XRCC6: variants seen among roughly 807,000 people sequenced by gnomAD.
XRCC6 encodes the protein DNA repair protein Ku70.
In XRCC6, 5 loss-of-function variants were observed where a neutral mutation model predicts 65.7. The ratio of observed to expected loss-of-function variants is 0.08; its 90% CI spans 0.04 to 0.16. XRCC6 has a LOEUF of 0.16. XRCC6 is among the 10% of genes least tolerant of loss of function. The probability of loss-of-function intolerance (pLI) is 1.00; values close to 1 mark genes in which losing one functional copy is unlikely to be tolerated. For synonymous variants in XRCC6, 270 were observed against 270.6 expected (o/e 1.00, Z 0.02); for missense variants, 447 against 738.1 (o/e 0.61, Z 4.57).
rs915965286 is a variant in XRCC6 at position 41,639,773 on chromosome 22, C to T, written c.773+1982C>T. Among the ~76,000 whole-genome samples, 12 of 149,590 alleles carry T rather than the reference C, an allele frequency of 8.0e-5. No homozygotes were observed. The Admixed American group carries it at 8.1e-4, about 10-fold the overall frequency. On this transcript the variant is annotated intron_variant, in intron 6 of 12. Coordinates refer to ENST00000360079, the MANE Select transcript of XRCC6 (RefSeq NM_001469.5). ...CGCCTCCCGGGTTCATGCCATTCTC[C>T]TGCCTCAGCCTCCTGAGTAGCTGGG...
At position 41,647,073 on chromosome 22, in the gene XRCC6, G is replaced by A. The variant is rs764847246; in HGVS notation, c.951G>A (p.Lys317=). 1 of 1,613,966 alleles carries A rather than the reference G, an allele frequency of 6.2e-7. No homozygotes were observed. Among genetic ancestry groups the A allele is most frequent in the South Asian group, 1.1e-5 (1 of 91,078 alleles). Residue 317 remains lysine, a synonymous_variant, in exon 7 of 13, where the codon AAG becomes AAA. Coordinates refer to ENST00000360079, the MANE Select transcript of XRCC6 (RefSeq NM_001469.5). ...GTTTGCTTCTGCCTAGCGATACCAA[G>A]AGGTCTCAGGTAGGTAGAGATGCCT... ...TGGLLLPSDT[K]RSQIYGSRQI...
At position 41,663,675 on chromosome 22, in the gene XRCC6, C is replaced by T. The variant is rs1413077334; in HGVS notation, c.1690C>T (p.Leu564=). The part of the protein sequence containing the change: ...RPKVEYSEEE[L]KTHISKGTLG... Reference sequence around the variant, plus strand: ...CAAGGTGGAGTATTCAGAAGAGGAGCTGAAGACCCACATCAGCAAGGGTAC... The same window carrying T: ...CAAGGTGGAGTATTCAGAAGAGGAGTTGAAGACCCACATCAGCAAGGGTAC... Residue 564 remains leucine, a synonymous_variant, in exon 13 of 13, where the codon CTG becomes TTG. Transcript: ENST00000360079. 22 of 1,613,850 alleles carry T rather than the reference C, an allele frequency of 1.4e-5. No individual in the cohort carries two copies. Among genetic ancestry groups the T allele is most frequent in the Non-Finnish European group, 1.7e-5 (20 of 1,179,884 alleles).
At chr22:41,645,698 CTTTT>C (rs909409152) in intron 6 of XRCC6, among the ~76,000 whole-genome samples, 2 of 135,078 alleles carry the variant, frequency 1.5e-5, no homozygotes, top group African/African-American at 2.7e-5. Context: ...ATTCTTTCTT[CTTTT>C]TTTTTTTTTT....
At chr22:41,650,916 G>A (rs1417845757) in intron 8 of XRCC6, 25 bp downstream of exon 8, 1 of 1,613,666 alleles carries the variant, frequency 6.2e-7, no homozygotes, top group Admixed American at 1.7e-5. Context: ...CCATGGATGA[G>A]TGACTCTAAC....
At chr22:41,651,860 T>C (rs1351121935) in intron 8 of XRCC6, among the ~76,000 whole-genome samples, 1 of 152,120 alleles carries the variant, frequency 6.6e-6, no homozygotes, top group Non-Finnish European at 1.5e-5. Flanking sequence ...CTCGGCTCAC[T>C]GCAATCTCCG....
In XRCC6 at chr22:41,638,860, C is replaced by A. The variant is rs373481100; in HGVS notation, c.773+1069C>A. On this transcript the variant is annotated intron_variant, in intron 6 of 12. Transcript: ENST00000360079. Reference sequence around the variant, plus strand: ...GGGCACTTACCACGAATGGAACTTACAAGACTAGAAGTGGCTCTGAGTGAG... The same window carrying A: ...GGGCACTTACCACGAATGGAACTTAAAAGACTAGAAGTGGCTCTGAGTGAG... Among the ~76,000 whole-genome samples, 182 of 149,184 alleles carry A rather than the reference C, an allele frequency of 1.2e-3. 1 individual carries two copies. The highest frequency in any genetic ancestry group is 4.3e-3 in the African/African-American group (173 of 40,420).
chr22:41,625,260 C>T (rs916156883), intron 2 of XRCC6, among the ~76,000 whole-genome samples: 16 of 152,200 alleles, frequency 1.1e-4, no homozygotes, highest in African/African-American at 1.7e-4. Context: ...GCCAAGATCG[C>T]GTCATCGCAT....
intron 7 of XRCC6, among the ~76,000 whole-genome samples, chr22:41,649,376 A>G (rs186969431): frequency 6.7e-6 from 1 of 148,890 alleles, no homozygotes. Flanking sequence ...GGATCTCACT[A>G]TGTTACCCAG....
chr22:41,648,822 A>G (rs1208039971), intron 7 of XRCC6, among the ~76,000 whole-genome samples: 2 of 152,114 alleles, frequency 1.3e-5, no homozygotes, highest in East Asian at 3.8e-4. Flanking sequence ...TGATTTATTC[A>G]TAGGCAGTAA....
At chr22:41,636,367 C>G in intron 4 of XRCC6, 116 bp downstream of exon 4, 1 of 1,487,050 alleles carries the variant, frequency 6.7e-7, no homozygotes, top group Non-Finnish European at 9.0e-7. Context: ...ATGCTTTCCT[C>G]CATAAGGGGA....
intron 3 of XRCC6, among the ~76,000 whole-genome samples, chr22:41,630,426 AATAC>A (rs1444676920): frequency 6.6e-6 from 1 of 151,836 alleles, no homozygotes; most frequent in Non-Finnish European, 1.5e-5. Context: ...GAATGTATTA[AATAC>A]CTCTTAATTG....
chr22:41,648,041 C>G (rs919003955), intron 7 of XRCC6: 1 of 105,888 alleles, frequency 9.4e-6, no homozygotes, highest in Admixed American at 9.6e-5. Context: ...CCTCCCCTCC[C>G]CTCCCCTCCC....
chr22:41,649,139 A>AAAAAAAAAATATATAT, intron 7 of XRCC6, among the ~76,000 whole-genome samples: 8 of 88,736 alleles, frequency 9.0e-5, no homozygotes, highest in African/African-American at 9.2e-5. Flanking sequence ...AAAAAAAAAA[A>AAAAAAAAAATATATAT]ATATATATAT....
chr22:41,632,848 G>C (rs911697803), intron 3 of XRCC6, among the ~76,000 whole-genome samples: 3 of 151,318 alleles, frequency 2.0e-5, no homozygotes, highest in Non-Finnish European at 2.9e-5. Context: ...AAAAGAAAAG[G>C]CTGGGCGCGG....
At chr22:41,622,838 G>C (rs2067625079) in intron 2 of XRCC6, among the ~76,000 whole-genome samples, 1 of 151,810 alleles carries the variant, frequency 6.6e-6, no homozygotes, top group Non-Finnish European at 1.5e-5. Flanking sequence ...CCAGCTGCTC[G>C]GGAGGCTGAG....
intron 2 of XRCC6, 105 bp from the exon 3 acceptor site, chr22:41,628,013 A>G (rs971279918): frequency 1.5e-6 from 1 of 688,542 alleles, no homozygotes; most frequent in Non-Finnish European, 2.3e-6. Context: ...TTCACCTTAT[A>G]ATAATTTATT....
At chr22:41,640,242 G>A (rs928682936) in intron 6 of XRCC6, among the ~76,000 whole-genome samples, 8 of 151,818 alleles carry the variant, frequency 5.3e-5, no homozygotes, top group African/African-American at 1.7e-4. Flanking sequence ...TCCGCCTCCC[G>A]GGTTCATGCC....
chr22:41,635,700 A>AT (rs939551002), intron 3 of XRCC6, among the ~76,000 whole-genome samples: 2 of 91,070 alleles, frequency 2.2e-5, no homozygotes, highest in Non-Finnish European at 5.8e-5. Context: ...TGCCCAGCTA[A>AT]TTTTTTTGTT....
chr22:41,634,656 T>G (rs1334404958), intron 3 of XRCC6, among the ~76,000 whole-genome samples: 1 of 152,030 alleles, frequency 6.6e-6, no homozygotes, highest in Non-Finnish European at 1.5e-5. Context: ...GCGATTCTCC[T>G]GCCTCAACCT....
Sources: gnomAD v4.1 joint callset for allele counts (sites outside exome capture counted in the v4.1 genomes callset) on GRCh38, gnomAD v4.1.1 for gene constraint, MANE v1.5 for transcripts, NCBI Gene and HGNC (gene_info 2026-07-23, HGNC 2026-07-21) for gene names.